MRPL15: variants seen among roughly 807,000 people sequenced by gnomAD.
MRPL15 encodes the protein large ribosomal subunit protein uL15m.
Under a neutral mutation model 28.0 loss-of-function variants are expected in MRPL15, and 24 were observed. The ratio of observed to expected loss-of-function variants is 0.86; its 90% confidence interval spans 0.62 to 1.21. MRPL15 has a LOEUF of 1.21. Among genes scored for constraint, MRPL15 ranks in the 50% most tolerant of loss-of-function variants. The probability of loss-of-function intolerance (pLI) is 0.00; values close to 1 mark genes in which losing one functional copy is unlikely to be tolerated. For missense variants in MRPL15, 343 were observed against 372.4 expected (o/e 0.92, Z 0.65); for synonymous variants, 124 against 137.0 (o/e 0.90, Z 0.66).
intron 1 of MRPL15, among the ~76,000 whole-genome samples, chr8:54,135,599 G>A (rs985650164): frequency 7.6e-6 from 1 of 132,028 alleles, no homozygotes; most frequent in African/African-American, 2.9e-5. Flanking sequence ...TTTTTTCCGA[G>A]ACGGAGGCTT....
rs1205758282 is a variant in MRPL15, at chr8:54,148,363, G to A, written c.*644G>A. On this transcript the variant is annotated 3_prime_UTR_variant, in exon 5 of 5. Transcript: ENST00000260102. ...TGTTCTTAGAGCTCCCAAGATGGTGGTGGCCACTCCCAAGATGGCAGCAAG... is the reference window on the plus strand; with the variant it reads ...TGTTCTTAGAGCTCCCAAGATGGTGATGGCCACTCCCAAGATGGCAGCAAG... Among the ~76,000 whole-genome samples, 2 of 152,220 alleles carry A rather than the reference G, an allele frequency of 1.3e-5. No homozygotes were observed. The highest frequency in any genetic ancestry group is 2.9e-5 in the Non-Finnish European group (2 of 68,034).
chr8:54,146,676 A>G (rs1811050600), intron 4 of MRPL15, among the ~76,000 whole-genome samples: 2 of 152,180 alleles, frequency 1.3e-5, no homozygotes, highest in African/African-American at 2.4e-5. Context: ...TTAAGGTTGC[A>G]TTGCTAACAC....
At chr8:54,141,232 A>G (rs926517608) in intron 3 of MRPL15, among the ~76,000 whole-genome samples, 1 of 152,364 alleles carries the variant, frequency 6.6e-6, no homozygotes, top group Admixed American at 6.5e-5. Context: ...ACCTTGGGCA[A>G]TGCAACCTCT....
Position 54,148,403 on chromosome 8 carries a change from A to T in MRPL15, c.*684A>T, listed in dbSNP as rs1811083237. Among the ~76,000 whole-genome samples the T allele has an allele frequency of 6.6e-6, 1 of 152,184 alleles. No homozygotes were observed. The highest frequency in any genetic ancestry group is 1.5e-5 in the Non-Finnish European group (1 of 68,036). On this transcript the variant is annotated 3_prime_UTR_variant, in exon 5 of 5. Coordinates refer to ENST00000260102, the MANE Select transcript of MRPL15 (RefSeq NM_014175.4). The stretch of plus-strand genomic sequence containing the variant: ...ATGGCAGCAAGCCTTTTGTTCTCTG[A>T]CCTGGGGTTCTTGGCCTCACGGATT...
At chr8:54,143,793 G>T (rs7012031) in intron 4 of MRPL15, among the ~76,000 whole-genome samples, 57,454 of 152,010 alleles carry the variant, frequency 0.38, 15,301 homozygotes, top group East Asian at 0.72. Flanking sequence ...ACTGGCCACC[G>T]GGTTTGGCCT....
rs71551976 is a variant in MRPL15, at chr8:54,140,574, C to CTTTTTTTT, written c.430-2079_430-2072dup. On this transcript the variant is annotated intron_variant, in intron 3 of 4. Transcript: ENST00000260102. The stretch of plus-strand genomic sequence containing the variant: ...CCGGCCTAGAACTACATTTTCTTTT[C>CTTTTTTTT]TTTTTTTTTTTTTTTTTGAGATGGA... 6.9e-4 allele frequency among the ~76,000 whole-genome samples: 69 copies of CTTTTTTTT among 99,598 alleles called. 5 individuals are homozygous for CTTTTTTTT. Among genetic ancestry groups the CTTTTTTTT allele is most frequent in the African/African-American group, 2.2e-3 (62 of 27,618 alleles). The allele number at this position is 99,598 out of a possible 152,430, so 65.3% of individuals were successfully genotyped here.
chr8:54,143,712 C>A (rs28524857), intron 4 of MRPL15, among the ~76,000 whole-genome samples: 1 of 152,158 alleles, frequency 6.6e-6, no homozygotes. Flanking sequence ...CCGTGCTGCT[C>A]CTGCAAGGCT....
At chr8:54,142,247 C>T (rs891500631) in intron 3 of MRPL15, among the ~76,000 whole-genome samples, 1 of 152,154 alleles carries the variant, frequency 6.6e-6, no homozygotes, top group Non-Finnish European at 1.5e-5. Flanking sequence ...CTTCCCCTCC[C>T]GGGTTCAAGC....
intron 4 of MRPL15, among the ~76,000 whole-genome samples, chr8:54,145,078 GCT>G (rs1453022691): frequency 1.3e-5 from 2 of 152,160 alleles, no homozygotes; most frequent in African/African-American, 4.8e-5. Context: ...CTTGTGCGTG[GCT>G]CTCTGCAGCA....
chr8:54,146,130 G>A (rs1019291777), intron 4 of MRPL15, among the ~76,000 whole-genome samples: 3 of 151,076 alleles, frequency 2.0e-5, no homozygotes, highest in African/African-American at 4.9e-5. Flanking sequence ...AGCTGATGGA[G>A]AGACGATAGT....
intron 3 of MRPL15, among the ~76,000 whole-genome samples, chr8:54,139,842 T>C (rs1016180918): frequency 6.6e-6 from 1 of 152,170 alleles, no homozygotes; most frequent in Non-Finnish European, 1.5e-5. Context: ...AAATGCTATT[T>C]ATACTACTGA....
rs148719420 is a variant in MRPL15 at position 54,137,341 on chromosome 8, A to T, written c.337A>T (p.Ser113Cys). 1.9e-6 allele frequency: 3 copies of T among 1,613,950 alleles called. No homozygotes were observed. In the Admixed American group the frequency reaches 5.0e-5, roughly 27 times the overall value. ...TATTGATTTGGGTCGTGTTGATCCT[A>T]GTCAACCTATTGACTTAACCCAGCT... ...YLIDLGRVDP[S>C]QPIDLTQLVN... Residue 113 changes from serine to cysteine, a missense_variant, in exon 3 of 5, where the codon AGT becomes TGT. Physicochemically the swap from Ser to Cys is moderately radical, Grantham distance 112. Transcript: ENST00000260102.
At chr8:54,145,927 G>A (rs566561253) in intron 4 of MRPL15, among the ~76,000 whole-genome samples, 34 of 152,292 alleles carry the variant, frequency 2.2e-4, no homozygotes, top group South Asian at 1.7e-3. Context: ...TCTTGGTCTC[G>A]ACCCTTAGCA....
In MRPL15 at chr8:54,137,314, C is replaced by T. The variant is rs375531818; in HGVS notation, c.310C>T (p.Leu104Phe). The T allele has an allele frequency of 1.9e-6, 3 of 1,614,010 alleles. No homozygotes were observed. The highest frequency in any genetic ancestry group is 2.2e-5 in the East Asian group (1 of 44,876). Residue 104 changes from leucine to phenylalanine, a missense_variant, in exon 3 of 5, where the codon CTT (leucine) becomes TTT (phenylalanine). Transcript: ENST00000260102. ...KPLSLNRLQY[L>F]IDLGRVDPSQ... ...TTTGAGTCTCAATAGACTGCAGTAT[C>T]TTATTGATTTGGGTCGTGTTGATCC...
rs71254537 is a variant in MRPL15, at chr8:54,138,301, C to CTTTTTT, written c.429+891_429+896dup. Among the ~76,000 whole-genome samples, 248 of 57,004 alleles carry CTTTTTT rather than the reference C, an allele frequency of 4.4e-3. 27 individuals carry two copies. In the East Asian group the frequency reaches 0.049, roughly 11 times the overall value. 37.4% of individuals were successfully genotyped at this position (57,004 alleles called of 152,430 possible). On this transcript the variant is annotated intron_variant, in intron 3 of 4. Transcript: ENST00000260102. ...TTGAATGTCAACATATCAGGAAGAT[C>CTTTTTT]TTTTTTTTTTTTTTTTTTTTTTTTT...
At position 54,135,255 on chromosome 8, in the gene MRPL15, G is replaced by T. The variant is rs1472588946; in HGVS notation, c.-29G>T. ...ACGTGGCCTCCGAGCAGCTCAGGGC[G>T]CCCTTGAAAGTTCTTGGATCTGCGG... On this transcript the variant is annotated 5_prime_UTR_variant, in exon 1 of 5. Transcript: ENST00000260102. 1 of 1,297,452 alleles carries T rather than the reference G, an allele frequency of 7.7e-7. No homozygotes were observed. Among genetic ancestry groups the T allele is most frequent in the Non-Finnish European group, 9.9e-7 (1 of 1,009,910 alleles). 80.4% of individuals were successfully genotyped at this position (1,297,452 alleles called of 1,614,324 possible). A position where few individuals can be genotyped will look rare whatever the true frequency, so the allele number is the denominator to read the frequency against.
Position 54,137,299 on chromosome 8 carries a change from A to G in MRPL15, c.295A>G (p.Asn99Asp). 1 of 1,613,648 alleles carries G rather than the reference A, an allele frequency of 6.2e-7. No individual in the cohort carries two copies. The stretch of plus-strand genomic sequence containing the variant: ...ACGCCAGTATAAGCCTTTGAGTCTC[A>G]ATAGACTGCAGTATCTTATTGATTT... ...FRRQYKPLSL[N>D]RLQYLIDLGR... The change falls in exon 3 of 5, where the codon AAT becomes GAT. Residue 99 changes from asparagine to aspartate, a missense_variant. Physicochemically the swap from Asn to Asp is conservative, Grantham distance 23 (BLOSUM62 1). Coordinates refer to ENST00000260102, the MANE Select transcript of MRPL15 (RefSeq NM_014175.4).
At chr8:54,145,119 G>T (rs751935556) in intron 4 of MRPL15, among the ~76,000 whole-genome samples, 3 of 152,294 alleles carry the variant, frequency 2.0e-5, no homozygotes, top group Non-Finnish European at 2.9e-5. Flanking sequence ...GGATCTTTTT[G>T]TTTAAAAAAG....
At chr8:54,140,101 C>G (rs955077257) in intron 3 of MRPL15, among the ~76,000 whole-genome samples, 3 of 152,156 alleles carry the variant, frequency 2.0e-5, no homozygotes, top group Non-Finnish European at 4.4e-5. Flanking sequence ...TTTCTTTCAG[C>G]TTCATGAAAG....
Sources: gnomAD v4.1 joint callset for allele counts (sites outside exome capture counted in the v4.1 genomes callset) on GRCh38, gnomAD v4.1.1 for gene constraint, MANE v1.5 for transcripts, NCBI Gene and HGNC (gene_info 2026-07-23, HGNC 2026-07-21) for gene names.